Variants in CNBD1 observed in about 807,000 individuals in gnomAD.
CNBD1 encodes the protein cyclic nucleotide binding domain containing 1.
Under a neutral mutation model 54.4 loss-of-function variants are expected in CNBD1, and 71 were observed. That is an observed-to-expected ratio of 1.30 (90% CI 1.08 to 1.59). The LOEUF is 1.59. Among genes scored for constraint, CNBD1 ranks in the 40% most tolerant of loss-of-function variants. The pLI is 0.00. For missense variants in CNBD1, 659 were observed against 518.0 expected, an observed-to-expected ratio of 1.27 and a Z score of -2.64; for synonymous variants, 182 against 170.7, an observed-to-expected ratio of 1.07 and a Z score of -0.51.
chr8:87,349,792 C>T (rs926486111), intron 8 of CNBD1, among the ~76,000 whole-genome samples: 1 of 152,202 alleles, frequency 6.6e-6, no homozygotes, highest in Non-Finnish European at 1.5e-5. Context: ...AGACCATAGA[C>T]AATGATTCGA....
chr8:87,123,068 A>G (rs1202680788), intron 4 of CNBD1, among the ~76,000 whole-genome samples: 1 of 151,690 alleles, frequency 6.6e-6, no homozygotes, highest in African/African-American at 2.4e-5. Context: ...TGTATTTTCT[A>G]TTTCTTTGAA....
intron 4 of CNBD1, among the ~76,000 whole-genome samples, chr8:87,174,747 G>A (rs911142662): frequency 3.3e-5 from 5 of 152,096 alleles, no homozygotes; most frequent in Non-Finnish European, 5.9e-5. Context: ...TATTGAAAAG[G>A]ACTTGGGTGT....
intron 2 of CNBD1, among the ~76,000 whole-genome samples, chr8:87,414,212 G>A (rs1289680669): frequency 2.6e-5 from 4 of 152,090 alleles, no homozygotes; most frequent in African/African-American, 4.8e-5. Context: ...AAGAGTTCAT[G>A]TCCTTTGTAG....
intron 3 of CNBD1, among the ~76,000 whole-genome samples, chr8:86,912,576 T>A (rs1049553782): frequency 2.6e-5 from 4 of 152,206 alleles, no homozygotes; most frequent in Non-Finnish European, 5.9e-5. Context: ...GTGCTGCCAG[T>A]TATATAAAAA....
In CNBD1 at chr8:87,228,419, G is replaced by C. The variant is rs1394698733; in HGVS notation, c.578-8500G>C. ...GATGGTGATGTACAGATGGGTTTTT[G>C]GTGTGGATGTCCTTTCTGTTTGTTA... On this transcript the variant is annotated intron_variant, in intron 5 of 10. Transcript: ENST00000518476. 1.3e-5 allele frequency among the ~76,000 whole-genome samples: 2 copies of C among 148,862 alleles called. 1 individual carries two copies. The highest frequency in any genetic ancestry group is 5.2e-5 in the African/African-American group (2 of 38,546).
intron 4 of CNBD1, among the ~76,000 whole-genome samples, chr8:87,115,776 A>G (rs886739545): frequency 1.3e-5 from 2 of 152,168 alleles, no homozygotes; most frequent in African/African-American, 4.8e-5. Flanking sequence ...TATCTCTCGT[A>G]TCTCTAAAAG....
At chr8:87,132,114 A>G (rs1812129167) in intron 4 of CNBD1, among the ~76,000 whole-genome samples, 1 of 151,870 alleles carries the variant, frequency 6.6e-6, no homozygotes, top group Non-Finnish European at 1.5e-5. Context: ...CACTGCTTTT[A>G]AGATTTTTAT....
At chr8:87,151,822 G>A (rs1812610376) in intron 4 of CNBD1, among the ~76,000 whole-genome samples, 1 of 152,038 alleles carries the variant, frequency 6.6e-6, no homozygotes, top group African/African-American at 2.4e-5. Flanking sequence ...TGATTGGAAG[G>A]TTATGGGTCA....
At chr8:87,425,029 CT>C (rs1231084633) in intron 2 of CNBD1, among the ~76,000 whole-genome samples, 1 of 152,022 alleles carries the variant, frequency 6.6e-6, no homozygotes, top group East Asian at 1.9e-4. Flanking sequence ...TCTTTTTATT[CT>C]TTTTTCTCTA....
chr8:87,100,023 G>T (rs992421159), intron 4 of CNBD1, among the ~76,000 whole-genome samples: 6 of 152,182 alleles, frequency 3.9e-5, no homozygotes, highest in Non-Finnish European at 8.8e-5. Context: ...CTAAAAAGAA[G>T]TGTCCAGTTA....
intron 8 of CNBD1, among the ~76,000 whole-genome samples, chr8:87,331,240 G>T (rs949635238): frequency 6.6e-6 from 1 of 152,110 alleles, no homozygotes; most frequent in South Asian, 2.1e-4. Context: ...AGGTCCAGGT[G>T]TGTGTTGTTC....
At chr8:87,123,614 A>G (rs898255201) in intron 4 of CNBD1, among the ~76,000 whole-genome samples, 3 of 151,688 alleles carry the variant, frequency 2.0e-5, no homozygotes, top group South Asian at 4.1e-4. Context: ...GAAACTAGAA[A>G]AAGATGAAAA....
At chr8:87,249,204 C>T (rs2130837381) in intron 6 of CNBD1, among the ~76,000 whole-genome samples, 1 of 152,312 alleles carries the variant, frequency 6.6e-6, no homozygotes, top group African/African-American at 2.4e-5. Flanking sequence ...ATAAGGAGCA[C>T]ACAACCTAGA....
intron 5 of CNBD1, among the ~76,000 whole-genome samples, chr8:87,224,835 G>A (rs1258265358): frequency 2.7e-5 from 4 of 150,920 alleles, no homozygotes; most frequent in Non-Finnish European, 5.9e-5. Context: ...ACCTTGGGCA[G>A]TATGGCCATT....
intron 4 of CNBD1, among the ~76,000 whole-genome samples, chr8:87,080,083 C>T (rs1464027214): frequency 1.3e-5 from 2 of 152,126 alleles, no homozygotes; most frequent in African/African-American, 2.4e-5. Context: ...TCCCTATTAA[C>T]ATTTCTCGTC....
chr8:86,902,899 A>T (rs1808960516), intron 2 of CNBD1, among the ~76,000 whole-genome samples: 1 of 152,076 alleles, frequency 6.6e-6, no homozygotes, highest in Non-Finnish European at 1.5e-5. Flanking sequence ...ATATTTAGAT[A>T]CATTTATTTA....
chr8:87,034,121 C>T (rs1397635020), intron 4 of CNBD1, among the ~76,000 whole-genome samples: 5 of 152,142 alleles, frequency 3.3e-5, no homozygotes, highest in African/African-American at 1.2e-4. Flanking sequence ...TTACAATGAT[C>T]CTTATGCTGT....
intron 2 of CNBD1, among the ~76,000 whole-genome samples, chr8:87,396,769 T>C (rs1490616347): frequency 6.6e-6 from 1 of 151,782 alleles, no homozygotes; most frequent in Non-Finnish European, 1.5e-5. Flanking sequence ...CTTCAGTCCA[T>C]CTATTGTCTC....
At chr8:87,236,850 T>A (rs1040743634) in intron 5 of CNBD1, 69 bp from the exon 6 acceptor site, 3 of 831,290 alleles carry the variant, frequency 3.6e-6, no homozygotes, top group African/African-American at 1.7e-5. Flanking sequence ...GTGTAATATA[T>A]ATATTAGTCA....
Sources: allele counts gnomAD v4.1 joint callset (sites outside exome capture counted in the v4.1 genomes callset), GRCh38; gene constraint gnomAD v4.1.1; transcripts MANE v1.5; gene names NCBI Gene and HGNC (gene_info 2026-07-23, HGNC 2026-07-21).